Variants in RBMS3 observed in about 807,000 individuals in gnomAD.
The protein encoded by RBMS3 is RNA binding motif single stranded interacting protein 3.
RBMS3 carries 27 observed loss-of-function variants against 66.8 expected under a neutral mutation model. The observed-to-expected ratio is 0.40, with a 90% CI of 0.30 to 0.56. RBMS3 has a LOEUF of 0.56. Among genes scored for constraint, RBMS3 ranks in the 20% least tolerant of loss-of-function variants. RBMS3 has a pLI of 0.40. For missense variants in RBMS3, 513 were observed against 549.5 expected (o/e 0.93, Z 0.66); for synonymous variants, 188 against 183.0 (o/e 1.03, Z -0.22).
In RBMS3 at chr3:29,592,835, A is replaced by T. The variant is rs548791015; in HGVS notation, c.399+5630A>T. Among the ~76,000 whole-genome samples the T allele has an allele frequency of 2.0e-5, 3 of 152,158 alleles. No homozygotes were observed. The South Asian group carries it at 6.2e-4, about 32-fold the overall frequency. ...ATGGAATACTATGCAGCCATAAAAA[A>T]GGATGAGTTCATGTCCTTTGTAGGG... On this transcript the variant is annotated intron_variant, in intron 4 of 14. Coordinates refer to ENST00000383767, the MANE Select transcript of RBMS3 (RefSeq NM_001003793.3).
intron 4 of RBMS3, among the ~76,000 whole-genome samples, chr3:29,700,021 G>GGCAA (rs1315837609): frequency 6.6e-5 from 10 of 151,770 alleles, no homozygotes; most frequent in Non-Finnish European, 1.2e-4. Flanking sequence ...TAGATGCATT[G>GGCAA]GCACCCTAGT....
chr3:29,884,422 T>TTCTCCCTCTC (rs2059810834), intron 8 of RBMS3, among the ~76,000 whole-genome samples: 7 of 41,844 alleles, frequency 1.7e-4, no homozygotes, highest in African/African-American at 7.3e-4. Context: ...TTAAACCCTG[T>TTCTCCCTCTC]TCTCTCTCTC....
chr3:29,930,382 G>C (rs1231077096), intron 10 of RBMS3, among the ~76,000 whole-genome samples: 1 of 151,802 alleles, frequency 6.6e-6, no homozygotes, highest in Admixed American at 6.6e-5. Flanking sequence ...AAAGTGCTGG[G>C]ATTACAGGCG....
At chr3:29,565,597 C>T (rs1451854393) in intron 3 of RBMS3, among the ~76,000 whole-genome samples, 1 of 152,152 alleles carries the variant, frequency 6.6e-6, no homozygotes, top group Non-Finnish European at 1.5e-5. Context: ...AGGTCCTTGA[C>T]ACAAAGTCCT....
intron 1 of RBMS3, among the ~76,000 whole-genome samples, chr3:29,378,633 A>C (rs560677773): frequency 6.6e-6 from 1 of 152,360 alleles, no homozygotes; most frequent in African/African-American, 2.4e-5. Flanking sequence ...AAGTAGTATT[A>C]GCTGTTATAA....
chr3:29,590,082 G>GTT (rs765079165), intron 4 of RBMS3, among the ~76,000 whole-genome samples: 1 of 135,992 alleles, frequency 7.4e-6, no homozygotes, highest in East Asian at 2.0e-4. Flanking sequence ...CCACAAAGGA[G>GTT]TTTATTTATT....
At chr3:29,282,976 C>T (rs1234027880) in intron 1 of RBMS3, among the ~76,000 whole-genome samples, 4 of 152,094 alleles carry the variant, frequency 2.6e-5, no homozygotes, top group African/African-American at 9.7e-5. Context: ...CCTCCAAGGT[C>T]GACTCACACT....
Position 29,422,857 on chromosome 3 carries a change from AATT to A in RBMS3, c.76-11880_76-11878del, listed in dbSNP as rs147630240. ...TGCTCTAACATTGTCTTCTTGAGGA[AATT>A]ATTATGTTTTATAGTTCAAATTTCT... is the stretch of plus-strand genomic sequence containing the variant. On this transcript the variant is annotated intron_variant, in intron 1 of 14. Transcript: ENST00000383767. Among the ~76,000 whole-genome samples the A allele has an allele frequency of 4.4e-3, 666 of 152,262 alleles. 12 individuals are homozygous for A. Among genetic ancestry groups the A allele is most frequent in the African/African-American group, 0.015 (621 of 41,536 alleles).
At chr3:29,652,740 C>T (rs115569674) in intron 4 of RBMS3, among the ~76,000 whole-genome samples, 1 of 152,080 alleles carries the variant, frequency 6.6e-6, no homozygotes, top group South Asian at 2.1e-4. Flanking sequence ...GACTAAAGCT[C>T]TCTAATCTCG....
chr3:29,475,399 C>G (rs2042909181), intron 2 of RBMS3, among the ~76,000 whole-genome samples: 1 of 152,076 alleles, frequency 6.6e-6, no homozygotes, highest in South Asian at 2.1e-4. Context: ...CAGGTGCACA[C>G]CACCAAGCCC....
intron 1 of RBMS3, among the ~76,000 whole-genome samples, chr3:29,318,002 T>C (rs1159401903): frequency 1.3e-5 from 2 of 151,878 alleles, no homozygotes; most frequent in Non-Finnish European, 2.9e-5. Flanking sequence ...TTCCTTTTCC[T>C]GTTCTGATTT....
chr3:29,712,118 A>T (rs992078856), intron 4 of RBMS3, among the ~76,000 whole-genome samples: 4 of 152,158 alleles, frequency 2.6e-5, no homozygotes, highest in African/African-American at 9.7e-5. Flanking sequence ...CTCATTATAT[A>T]AGAGAAAAAG....
chr3:29,835,697 C>A (rs1333910692), intron 6 of RBMS3, among the ~76,000 whole-genome samples: 1 of 151,644 alleles, frequency 6.6e-6, no homozygotes, highest in Admixed American at 6.6e-5. Flanking sequence ...AAATAAACAA[C>A]CTAACTTTAC....
intron 2 of RBMS3, 93 bp from the exon 3 acceptor site, chr3:29,488,348 C>A: frequency 9.7e-7 from 1 of 1,033,352 alleles, no homozygotes; most frequent in Non-Finnish European, 1.4e-6. Flanking sequence ...TTTATGCATG[C>A]TCAGTTGTGT....
At chr3:29,301,429 G>A (rs1399976227) in intron 1 of RBMS3, among the ~76,000 whole-genome samples, 1 of 151,964 alleles carries the variant, frequency 6.6e-6, no homozygotes, top group East Asian at 1.9e-4. Flanking sequence ...GAAAGTTTAG[G>A]AAACTTGTTT....
Position 29,726,585 on chromosome 3 carries a change from C to T in RBMS3, c.400-13135C>T, listed in dbSNP as rs1298002209. On this transcript the variant is annotated intron_variant, in intron 4 of 14. Transcript: ENST00000383767. The stretch of plus-strand genomic sequence containing the variant: ...CAACAAGACAAGCAGAGATTCAAAT[C>T]GTGAGGGAACTCCCATACACAATTG... 3.9e-5 allele frequency among the ~76,000 whole-genome samples: 6 copies of T among 152,146 alleles called. No homozygotes were observed. In the East Asian group the frequency reaches 5.8e-4, roughly 15 times the overall value.
chr3:29,697,638 G>A (rs1034627787), intron 4 of RBMS3, among the ~76,000 whole-genome samples: 5 of 152,284 alleles, frequency 3.3e-5, no homozygotes, highest in Non-Finnish European at 4.4e-5. Context: ...TTGCATATAT[G>A]CAATGAGATA....
Position 29,966,491 on chromosome 3 carries a change from C to T in RBMS3, c.1099-21652C>T, listed in dbSNP as rs1028327510. ...GGGGTTGAGTTCTCGATTTGATTCT[C>T]CACTTGGTCACTGTTGGTGTATAGA... On this transcript the variant is annotated intron_variant, in intron 12 of 14. Transcript: ENST00000383767. 3.3e-5 allele frequency among the ~76,000 whole-genome samples: 5 copies of T among 152,136 alleles called. No homozygotes were observed. In the South Asian group the frequency reaches 8.3e-4, roughly 25 times the overall value.
intron 4 of RBMS3, among the ~76,000 whole-genome samples, chr3:29,727,751 T>C (rs2053946155): frequency 6.6e-6 from 1 of 152,166 alleles, no homozygotes; most frequent in Non-Finnish European, 1.5e-5. Flanking sequence ...GCTTTTACAC[T>C]GTTGGTGGGA....
Sources: allele counts gnomAD v4.1 joint callset (sites outside exome capture counted in the v4.1 genomes callset), GRCh38; gene constraint gnomAD v4.1.1; transcripts MANE v1.5; gene names NCBI Gene and HGNC (gene_info 2026-07-23, HGNC 2026-07-21).